The following HERC2 variants were observed in gnomAD, a reference collection of about 807,000 sequenced individuals.
HERC2 encodes the protein E3 ubiquitin-protein ligase HERC2.
A neutral mutation model predicts 537.7 loss-of-function variants in HERC2; 102 were observed. That is an observed-to-expected ratio of 0.19 (90% confidence interval 0.16 to 0.22). The LOEUF (loss-of-function observed/expected upper bound fraction) is 0.22. HERC2 is among the 10% of genes least tolerant of loss of function. HERC2 has a pLI of 1.00. For missense variants in HERC2, 4,236 were observed against 6,198.2 expected, an observed-to-expected ratio of 0.68 and a Z score of 10.63; for synonymous variants, 2,224 against 2,466.2, an observed-to-expected ratio of 0.90 and a Z score of 2.91.
At position 28,215,653 on chromosome 15, in the gene HERC2, C is replaced by T. The variant is rs558450056; in HGVS notation, c.6178G>A (p.Ala2060Thr). 9 of 1,611,032 alleles carry T rather than the reference C, an allele frequency of 5.6e-6. No homozygotes were observed. The highest frequency in any genetic ancestry group is 2.2e-5 in the East Asian group (1 of 44,854). ...TGCAGCGAGGTGGCAGTGAAGGGTG[C>T]GTGCCCTTCCACGACCTTCATGAGC... The part of the protein sequence containing the change: ...TLLMKVVEGH[A>T]PFTATSLQRQ... Residue 2060 changes from alanine (A) to threonine (T), a missense_variant, in exon 39 of 93, where the codon GCA becomes ACA. Physicochemically the swap from Ala to Thr is moderately conservative, Grantham distance 58 (BLOSUM62 0). This residue lies in a region of HERC2 where 365 missense variants were observed against 468.8 expected (regional missense o/e 0.78). Transcript: ENST00000261609.
At chr15:28,318,519 T>C (rs2077149956) in intron 2 of HERC2, among the ~76,000 whole-genome samples, 1 of 152,016 alleles carries the variant, frequency 6.6e-6, no homozygotes, top group African/African-American at 2.4e-5. Flanking sequence ...TCCCAGCTAC[T>C]CGGGAGGCTG....
chr15:28,127,476 G>A (rs564510803), intron 83 of HERC2, among the ~76,000 whole-genome samples: 21 of 152,360 alleles, frequency 1.4e-4, no homozygotes, highest in African/African-American at 5.0e-4. Flanking sequence ...GGATACTGGT[G>A]TGAACTCACA....
intron 79 of HERC2, among the ~76,000 whole-genome samples, chr15:28,133,941 T>C (rs1361760059): frequency 6.6e-6 from 1 of 152,246 alleles, no homozygotes; most frequent in South Asian, 2.1e-4. Flanking sequence ...CTTTTCCTCA[T>C]TTTCAAAGTT....
intron 4 of HERC2, among the ~76,000 whole-genome samples, chr15:28,284,809 G>A (rs1156578789): frequency 2.6e-5 from 4 of 151,036 alleles, no homozygotes; most frequent in Non-Finnish European, 5.9e-5. Flanking sequence ...CAGCTACTCA[G>A]GAGGCTGAGG....
intron 38 of HERC2, among the ~76,000 whole-genome samples, chr15:28,216,367 T>C (rs1208456624): frequency 6.6e-6 from 1 of 151,994 alleles, no homozygotes; most frequent in Admixed American, 6.6e-5. Context: ...GTTTAATACA[T>C]CTGCATTAAC....
chr15:28,295,336 T>TG (rs1182536800), intron 3 of HERC2, among the ~76,000 whole-genome samples: 10 of 11,442 alleles, frequency 8.7e-4, no homozygotes, highest in South Asian at 3.9e-3. Flanking sequence ...GGGGAGGCGG[T>TG]GGGGGGGTCA....
At chr15:28,291,514 G>A (rs2076311406) in intron 4 of HERC2, among the ~76,000 whole-genome samples, 2 of 152,038 alleles carry the variant, frequency 1.3e-5, no homozygotes, top group African/African-American at 4.8e-5. Flanking sequence ...AACTGGGGTG[G>A]GCAGTCAGGT....
chr15:28,255,293 T>C (rs1196646823), intron 19 of HERC2, among the ~76,000 whole-genome samples: 2 of 151,974 alleles, frequency 1.3e-5, no homozygotes, highest in African/African-American at 4.8e-5. Flanking sequence ...CAACATCAGG[T>C]CACTGCATCC....
intron 2 of HERC2, among the ~76,000 whole-genome samples, chr15:28,304,366 C>CTTT (rs567606595): frequency 7.3e-6 from 1 of 137,430 alleles, no homozygotes; most frequent in Non-Finnish European, 1.6e-5. Context: ...TTTATTTCTT[C>CTTT]TTTTTTTTTT....
rs1048537677 is a variant in HERC2, at chr15:28,122,353, C to G, written c.13189-924G>C. ...TCTCTTGGCCAAGGAGGCAATCGTG[C>G]CTTCTTTCGGTTAGGGGTGGGCTGT... On this transcript the variant is annotated intron_variant, in intron 85 of 92. Coordinates refer to ENST00000261609, the MANE Select transcript of HERC2 (RefSeq NM_004667.6). The surrounding 1 kb of genome is among the most constrained non-coding windows in gnomAD (Gnocchi z 4.1). Among the ~76,000 whole-genome samples, 2 of 152,202 alleles carry G rather than the reference C, an allele frequency of 1.3e-5. No individual in the cohort carries two copies. The highest frequency in any genetic ancestry group is 4.8e-5 in the African/African-American group (2 of 41,450).
chr15:28,248,622 C>A lies in HERC2; in HGVS notation c.3165G>T (p.Leu1055=). 6.2e-7 allele frequency: 1 copy of A among 1,613,964 alleles called. No individual in the cohort carries two copies. The highest frequency in any genetic ancestry group is 1.1e-5 in the South Asian group (1 of 91,074). Residue 1055 remains leucine, a synonymous_variant, in exon 21 of 93, where the codon CTG becomes CTT. Coordinates refer to ENST00000261609, the MANE Select transcript of HERC2 (RefSeq NM_004667.6). ...TACTAATAAGCAAACGTTGAAAACG[C>A]AGTAACAAATCCAATGAAGCAGATC... The part of the protein sequence containing the change: ...RERSASLDLL[L]RFQRLLISKL...
intron 88 of HERC2, among the ~76,000 whole-genome samples, chr15:28,116,277 G>A (rs1179236481): frequency 1.4e-5 from 2 of 147,042 alleles, no homozygotes; most frequent in African/African-American, 5.1e-5. Flanking sequence ...GCAATGGTAC[G>A]ATCTCAGCTC....
At chr15:28,201,392 G>C (rs1897891173) in intron 48 of HERC2, 64 bp downstream of exon 48, 1 of 1,059,970 alleles carries the variant, frequency 9.4e-7, no homozygotes, top group Non-Finnish European at 1.5e-6. Flanking sequence ...TGGCATATAG[G>C]ACATACTCAA....
intron 5 of HERC2, among the ~76,000 whole-genome samples, chr15:28,276,080 G>A (rs1055857427): frequency 1.3e-5 from 2 of 150,338 alleles, no homozygotes; most frequent in Non-Finnish European, 3.0e-5. Context: ...CCAGCTACTC[G>A]GAGGCTGAGG....
In HERC2 at chr15:28,268,654, T is replaced by C. The variant is rs923076818; in HGVS notation, c.1447-38A>G. On this transcript the variant is annotated intron_variant, in intron 11 of 92. Coordinates refer to ENST00000261609, the MANE Select transcript of HERC2 (RefSeq NM_004667.6). The surrounding 1 kb of genome is among the most constrained non-coding windows in gnomAD (Gnocchi z 4.7). ...AAATACGAAGAAAAGTAGTCATCAG[T>C]CCAAGGAAAATGAAACCAGCTCAGC... The C allele has an allele frequency of 8.9e-6, 14 of 1,579,662 alleles. No homozygotes were observed. Among genetic ancestry groups the C allele is most frequent in the Admixed American group, 1.8e-5 (1 of 55,404 alleles).
intron 83 of HERC2, 151 bp from the exon 84 acceptor site, chr15:28,125,344 A>T (rs1244120895): frequency 3.0e-6 from 2 of 672,666 alleles, no homozygotes; most frequent in Non-Finnish European, 5.3e-6. Flanking sequence ...CCTAGACATG[A>T]ATGTCTGCTT....
At chr15:28,220,694 G>C in intron 36 of HERC2, 50 bp from the exon 37 acceptor site, 1 of 1,492,048 alleles carries the variant, frequency 6.7e-7, no homozygotes, top group South Asian at 1.1e-5. Flanking sequence ...AACCTGCCCT[G>C]GTCCTTCCAT....
intron 35 of HERC2, among the ~76,000 whole-genome samples, chr15:28,227,564 T>TA (rs1340464271): frequency 6.6e-6 from 1 of 151,834 alleles, no homozygotes; most frequent in East Asian, 1.9e-4. Flanking sequence ...GTAAAAATGA[T>TA]ATGGCACTGT....
At chr15:28,317,357 G>C (rs1327923158) in intron 2 of HERC2, among the ~76,000 whole-genome samples, 1 of 152,188 alleles carries the variant, frequency 6.6e-6, no homozygotes, top group Non-Finnish European at 1.5e-5. Flanking sequence ...CCAAAGTGCT[G>C]TGATTACAGG....
Sources: gnomAD v4.1 joint callset for allele counts (sites outside exome capture counted in the v4.1 genomes callset) on GRCh38, gnomAD v4.1.1 for gene constraint, gnomAD v4.1.1 regional missense constraint, Gnocchi (gnomAD v3.1) non-coding constraint, MANE v1.5 for transcripts, NCBI Gene and HGNC (gene_info 2026-07-23, HGNC 2026-07-21) for gene names.